The following TMEM185A variants were observed in gnomAD, a reference collection of about 807,000 sequenced individuals.
TMEM185A encodes the protein transmembrane protein 185A.
Under a neutral mutation model 25.0 loss-of-function variants are expected in TMEM185A, and 9 were observed. The ratio of observed to expected loss-of-function variants is 0.36; its 90% CI spans 0.22 to 0.63. TMEM185A has a LOEUF of 0.63. Among genes scored for constraint, TMEM185A ranks in the 20% least tolerant of loss-of-function variants. The probability of loss-of-function intolerance (pLI) is 0.68; values close to 1 mark genes in which losing one functional copy is unlikely to be tolerated. For missense variants in TMEM185A, 103 were observed against 237.4 expected, an observed-to-expected ratio of 0.43 and a Z score of 3.72; for synonymous variants, 45 against 93.5, an observed-to-expected ratio of 0.48 and a Z score of 2.99.
intron 1 of TMEM185A, among the ~76,000 whole-genome samples, chrX:149,627,603 A>C (rs2090170198): frequency 8.9e-6 from 1 of 112,303 alleles, no homozygotes; most frequent in Non-Finnish European, 1.9e-5. Context: ...AATCTAGCTC[A>C]AAAGTCATTT....
intron 1 of TMEM185A, among the ~76,000 whole-genome samples, chrX:149,631,300 G>A (rs868954487): frequency 1.8e-5 from 2 of 110,761 alleles, no homozygotes; most frequent in Non-Finnish European, 3.8e-5. Flanking sequence ...GGGGCTCGCG[G>A]CCGGGCCCTT....
rs1159900594 is a variant in TMEM185A, at chrX:149,603,349, A to G, written c.507+638T>C. On this transcript the variant is annotated intron_variant, in intron 4 of 6. Transcript: ENST00000600449. Reference sequence around the variant, plus strand: ...GCTACATTGCACAGGTTGGTCTCGAACTCCTGAGCTCAAGTGATCAGCTCA... The same window carrying G: ...GCTACATTGCACAGGTTGGTCTCGAGCTCCTGAGCTCAAGTGATCAGCTCA... 4.6e-5 allele frequency among the ~76,000 whole-genome samples: 5 copies of G among 108,655 alleles called. No homozygotes were observed. In the Admixed American group the frequency reaches 4.9e-4, roughly 11 times the overall value. The allele number at this position is 108,655 out of a possible 115,157, so 94.4% of individuals were successfully genotyped here.
chrX:149,605,588 T>TTTCTATGGCCTCCCATG (rs2090046887), intron 3 of TMEM185A, among the ~76,000 whole-genome samples: 1 of 111,574 alleles, frequency 9.0e-6, no homozygotes, highest in African/African-American at 3.3e-5. Flanking sequence ...CCCATGTCAC[T>TTTCTATGGCCTCCCATG]TGGAGGCACA....
At chrX:149,627,535 G>C (rs2090169959) in intron 1 of TMEM185A, among the ~76,000 whole-genome samples, 1 of 112,053 alleles carries the variant, frequency 8.9e-6, no homozygotes, top group African/African-American at 3.2e-5. Context: ...TCTCTGGTCT[G>C]ATGACAACCC....
intron 1 of TMEM185A, 55 bp from the exon 2 acceptor site, chrX:149,611,518 T>C (rs1022776192): frequency 1.2e-5 from 13 of 1,068,540 alleles, no homozygotes; most frequent in Non-Finnish European, 1.6e-5. Flanking sequence ...TATGTGATAC[T>C]GAAATGGGGA....
chrX:149,629,346 G>A (rs2090179631), intron 1 of TMEM185A, among the ~76,000 whole-genome samples: 1 of 111,440 alleles, frequency 9.0e-6, no homozygotes, highest in Non-Finnish European at 1.9e-5. Context: ...CCAGCATAAG[G>A]TAACTTCCTG....
chrX:149,615,479 A>C (rs940197532), intron 1 of TMEM185A, among the ~76,000 whole-genome samples: 4 of 111,898 alleles, frequency 3.6e-5, no homozygotes, highest in Non-Finnish European at 7.5e-5. Context: ...AAAGAAATTA[A>C]AAGAATATAG....
rs1409951996 is a variant in TMEM185A, at chrX:149,628,435, T to G, written c.38+3108A>C. On this transcript the variant is annotated intron_variant, in intron 1 of 6. Coordinates refer to ENST00000600449, the MANE Select transcript of TMEM185A (RefSeq NM_032508.4). ...TGGGTCCGGTACATCTGTTTCGGCA[T>G]GTCTTAACCTGCATAACTAAAAAGC... 3.6e-5 allele frequency among the ~76,000 whole-genome samples: 4 copies of G among 112,195 alleles called. No homozygotes were observed. In the East Asian group the frequency reaches 1.1e-3, roughly 31 times the overall value.
At chrX:149,628,271 TGA>T (rs1383142832) in intron 1 of TMEM185A, among the ~76,000 whole-genome samples, 2 of 111,310 alleles carry the variant, frequency 1.8e-5, no homozygotes, top group Non-Finnish European at 3.8e-5. Context: ...GGCTCCATGG[TGA>T]GTGCCGGGAG....
In TMEM185A at chrX:149,604,008, C is replaced by A; in HGVS notation, c.486G>T (p.Lys162Asn). The A allele has an allele frequency of 8.3e-7, 1 of 1,208,555 alleles. No homozygotes were observed. The highest frequency in any genetic ancestry group is 1.1e-6 in the Non-Finnish European group (1 of 893,694). ...ATACAAGCCAGGGCCAGTGGATGAT[C>A]TTGTCCAGTCTTAAGGCAATGAATA... The part of the protein sequence containing the change: ...QFIFIALRLD[K>N]IIHWPWLVVC... Residue 162 changes from lysine (K) to asparagine (N), a missense_variant, in exon 4 of 7, where the codon AAG becomes AAT. Coordinates refer to ENST00000600449, the MANE Select transcript of TMEM185A (RefSeq NM_032508.4).
At chrX:149,622,806 G>A (rs1049645954) in intron 1 of TMEM185A, among the ~76,000 whole-genome samples, 7 of 112,251 alleles carry the variant, frequency 6.2e-5, no homozygotes, top group African/African-American at 2.3e-4. Context: ...GGGAAGAGAA[G>A]TGGAATCTGG....
At chrX:149,602,808 T>G (rs1366563109) in intron 4 of TMEM185A, among the ~76,000 whole-genome samples, 6 of 112,166 alleles carry the variant, frequency 5.3e-5, no homozygotes, top group Non-Finnish European at 1.1e-4. Context: ...CACTGTGAAG[T>G]TGTAGGATGA....
intron 3 of TMEM185A, among the ~76,000 whole-genome samples, chrX:149,604,888 C>G (rs940403424): frequency 9.0e-6 from 1 of 110,890 alleles, no homozygotes; most frequent in Non-Finnish European, 1.9e-5. Flanking sequence ...CCATCTAGAT[C>G]CCACCATACA....
chrX:149,618,339 C>T (rs782640075), intron 1 of TMEM185A, among the ~76,000 whole-genome samples: 2 of 110,811 alleles, frequency 1.8e-5, no homozygotes, highest in African/African-American at 6.6e-5. Flanking sequence ...AAGACTGGAC[C>T]TACAAAATTA....
chrX:149,603,535 G>A (rs2090028892), intron 4 of TMEM185A, among the ~76,000 whole-genome samples: 1 of 111,407 alleles, frequency 9.0e-6, no homozygotes, highest in African/African-American at 3.3e-5. Flanking sequence ...TATTTCCTAA[G>A]AAAACAACCA....
chrX:149,619,436 C>T (rs2090127670), intron 1 of TMEM185A, among the ~76,000 whole-genome samples: 2 of 110,441 alleles, frequency 1.8e-5, no homozygotes, highest in African/African-American at 3.3e-5. Context: ...TTGCTTCCTG[C>T]ACTTTCTTTT....
At chrX:149,631,512 A>T (rs782294905) in intron 1 of TMEM185A, 31 bp downstream of exon 1, 1 of 1,148,821 alleles carries the variant, frequency 8.7e-7, no homozygotes, top group South Asian at 2.0e-5. Flanking sequence ...CGCAGCGCGG[A>T]CTCCCGGGGG....
chrX:149,602,456 G>C (rs1356871778), intron 4 of TMEM185A, among the ~76,000 whole-genome samples: 1 of 112,316 alleles, frequency 8.9e-6, no homozygotes, highest in African/African-American at 3.2e-5. Context: ...TTTCTCTGCA[G>C]AGTCTATGCA....
In TMEM185A at chrX:149,605,335, G is replaced by A. The variant is rs868982894; in HGVS notation, c.424-1265C>T. ...TATGGCCTCCCATGTCACTTTCTAT[G>A]GCCTCCCATGTCACTTTCTATGGCC... On this transcript the variant is annotated intron_variant, in intron 3 of 6. Coordinates refer to ENST00000600449, the MANE Select transcript of TMEM185A (RefSeq NM_032508.4). 180 of 76,326 alleles carry A rather than the reference G, an allele frequency of 2.4e-3. 3 individuals carry two copies. Among genetic ancestry groups the A allele is most frequent in the Middle Eastern group, 8.8e-3 (1 of 113 alleles). The allele number at this position is 76,326 out of a possible 1,213,427, so 6.3% of individuals were successfully genotyped here. A position where few individuals can be genotyped will look rare whatever the true frequency, so the allele number is the denominator to read the frequency against.
Sources: allele counts gnomAD v4.1 joint callset (sites outside exome capture counted in the v4.1 genomes callset), GRCh38; gene constraint gnomAD v4.1.1; transcripts MANE v1.5; gene names NCBI Gene and HGNC (gene_info 2026-07-23, HGNC 2026-07-21).